ARHGEF6: variants seen among roughly 807,000 people sequenced by gnomAD.
ARHGEF6 encodes the protein rho guanine nucleotide exchange factor 6.
In ARHGEF6, 9 loss-of-function variants were observed where a neutral mutation model predicts 70.3. That is an observed-to-expected ratio of 0.13 (90% CI 0.08 to 0.22). The LOEUF is 0.22. Ranked by LOEUF, ARHGEF6 falls within the 10% of genes least tolerant of loss-of-function variation. ARHGEF6 has a pLI of 1.00. For synonymous variants in ARHGEF6, 201 were observed against 207.8 expected (o/e 0.97, Z 0.28); for missense variants, 470 against 563.0 (o/e 0.83, Z 1.67).
intron 13 of ARHGEF6, among the ~76,000 whole-genome samples, chrX:136,682,435 G>A (rs1347402669): frequency 8.9e-6 from 1 of 112,021 alleles, no homozygotes; most frequent in Non-Finnish European, 1.9e-5. Flanking sequence ...CATAGGAGCA[G>A]GTCCCAGCTT....
intron 19 of ARHGEF6, among the ~76,000 whole-genome samples, chrX:136,672,454 G>A (rs1342251277): frequency 4.5e-5 from 5 of 111,634 alleles, no homozygotes; most frequent in African/African-American, 6.5e-5. Flanking sequence ...GAGCTGACCA[G>A]TGATCACTCT....
In ARHGEF6 at chrX:136,747,617, G is replaced by A. The variant is rs5975789; in HGVS notation, c.250-25C>T. 1,753 of 971,691 alleles carry A rather than the reference G, an allele frequency of 1.8e-3. 18 individuals carry two copies. The African/African-American group carries it at 0.032, about 18-fold the overall frequency. The allele number at this position is 971,691 out of a possible 1,213,427, so 80.1% of individuals were successfully genotyped here. A position where few individuals can be genotyped will look rare whatever the true frequency, so the allele number is the denominator to read the frequency against. Reference sequence around the variant, plus strand: ...TCTATGAGAAAGGAAAATTGAAACCGTAAGACACTACAAGTATTCAACTCA... The same window carrying A: ...TCTATGAGAAAGGAAAATTGAAACCATAAGACACTACAAGTATTCAACTCA... On this transcript the variant is annotated intron_variant, in intron 2 of 21. Coordinates refer to ENST00000250617, the MANE Select transcript of ARHGEF6 (RefSeq NM_004840.3).
At chrX:136,722,045 C>G (rs1482189255) in intron 6 of ARHGEF6, among the ~76,000 whole-genome samples, 2 of 110,259 alleles carry the variant, frequency 1.8e-5, no homozygotes, top group Non-Finnish European at 3.8e-5. Context: ...ACAATTAATA[C>G]ATATAATTTT....
rs750225555 is a variant in ARHGEF6, at chrX:136,769,081, C to T, written c.249+10333G>A. On this transcript the variant is annotated intron_variant, in intron 2 of 21. Coordinates refer to ENST00000250617, the MANE Select transcript of ARHGEF6 (RefSeq NM_004840.3). ...GTACTAATTGAATCTCATATACATT[C>T]AGTGAAATCCTTCCAGAATAAAATA... 4.5e-5 allele frequency among the ~76,000 whole-genome samples: 5 copies of T among 111,234 alleles called. No individual in the cohort carries two copies. The South Asian group carries it at 1.9e-3, about 42-fold the overall frequency.
At chrX:136,675,202 G>T in intron 18 of ARHGEF6, 106 bp from the exon 19 acceptor site, 1 of 671,231 alleles carries the variant, frequency 1.5e-6, no homozygotes, top group Non-Finnish European at 2.4e-6. Flanking sequence ...GACCAGTAGA[G>T]TTTGTGAAAG....
intron 9 of ARHGEF6, among the ~76,000 whole-genome samples, chrX:136,697,397 A>G (rs2076524779): frequency 1.8e-5 from 2 of 112,165 alleles, no homozygotes; most frequent in Non-Finnish European, 3.8e-5. Flanking sequence ...AAGAAGGATC[A>G]GAAGAAACCT....
At chrX:136,774,036 G>A (rs967170207) in intron 2 of ARHGEF6, 20 of 111,714 alleles carry the variant, frequency 1.8e-4, no homozygotes, top group African/African-American at 6.2e-4. Context: ...AAATTGGAAC[G>A]ATACAGAGAA....
chrX:136,685,953 G>T, intron 11 of ARHGEF6, 130 bp from the exon 12 acceptor site: 1 of 690,705 alleles, frequency 1.4e-6, no homozygotes, highest in Non-Finnish European at 2.2e-6. Flanking sequence ...TGAATCCCAT[G>T]ACCCAGGCCT....
intron 14 of ARHGEF6, 134 bp from the exon 15 acceptor site, chrX:136,681,010 C>A: frequency 1.5e-6 from 1 of 665,914 alleles, no homozygotes; most frequent in Non-Finnish European, 2.4e-6. Flanking sequence ...TATGGGATAA[C>A]CCTGCTGAAA....
chrX:136,770,193 T>C (rs182644018), intron 2 of ARHGEF6, among the ~76,000 whole-genome samples: 1 of 112,514 alleles, frequency 8.9e-6, no homozygotes, highest in East Asian at 2.8e-4. Context: ...CACAAATTTC[T>C]ATGTGCATAT....
At position 136,665,702 on chromosome X, in the gene ARHGEF6, G is replaced by A. The variant is rs938402466; in HGVS notation, c.*2327C>T. The A allele has an allele frequency of 8.9e-6, 1 of 112,274 alleles. No individual in the cohort carries two copies. Among genetic ancestry groups the A allele is most frequent in the Non-Finnish European group, 1.9e-5 (1 of 53,199 alleles). 9.3% of individuals were successfully genotyped at this position (112,274 alleles called of 1,213,427 possible). ...CTCTACGGGCAGCAGTTTAATTACA[G>A]GGCAACAGGAACCCATTTATAGAGT... is the stretch of plus-strand genomic sequence containing the variant. On this transcript the variant is annotated 3_prime_UTR_variant, in exon 22 of 22. Transcript: ENST00000250617.
chrX:136,725,058 C>T, intron 6 of ARHGEF6, among the ~76,000 whole-genome samples: 1 of 111,467 alleles, frequency 9.0e-6, no homozygotes, highest in African/African-American at 3.3e-5. Flanking sequence ...ATCTGGGGCT[C>T]TTGTACCTGA....
At chrX:136,705,007 TTTG>T (rs1037745273) in intron 9 of ARHGEF6, among the ~76,000 whole-genome samples, 21 of 111,418 alleles carry the variant, frequency 1.9e-4, no homozygotes, top group African/African-American at 5.6e-4. Context: ...GTGACTTTGT[TTTG>T]TTGTTGTTGC....
At chrX:136,669,423 T>G in intron 21 of ARHGEF6, 59 bp downstream of exon 21, 3 of 1,080,699 alleles carry the variant, frequency 2.8e-6, no homozygotes, top group South Asian at 1.9e-5. Flanking sequence ...ATGAGCAGCG[T>G]GAGGCAAGAA....
chrX:136,771,444 C>T (rs926461307), intron 2 of ARHGEF6, among the ~76,000 whole-genome samples: 3 of 112,041 alleles, frequency 2.7e-5, no homozygotes, highest in Non-Finnish European at 5.6e-5. Flanking sequence ...AAACTTACTA[C>T]GTAGCTACAT....
intron 9 of ARHGEF6, among the ~76,000 whole-genome samples, chrX:136,701,986 C>T (rs1016394935): frequency 1.8e-5 from 2 of 111,238 alleles, no homozygotes; most frequent in South Asian, 3.7e-4. Flanking sequence ...GGATTACAGG[C>T]GCGAGCCACC....
chrX:136,716,618 C>A (rs1171782744), intron 6 of ARHGEF6, among the ~76,000 whole-genome samples: 1 of 112,061 alleles, frequency 8.9e-6, no homozygotes, highest in African/African-American at 3.2e-5. Flanking sequence ...ACAAAGCAAG[C>A]ATCAGAACTT....
chrX:136,665,705 C>T lies in ARHGEF6; in HGVS notation c.*2324G>A, dbSNP rs2076155484. 1 of 112,048 alleles carries T rather than the reference C, an allele frequency of 8.9e-6. No homozygotes were observed. The highest frequency in any genetic ancestry group is 1.9e-5 in the Non-Finnish European group (1 of 53,146). The allele number at this position is 112,048 out of a possible 1,213,427, so 9.2% of individuals were successfully genotyped here. On this transcript the variant is annotated 3_prime_UTR_variant, in exon 22 of 22. Coordinates refer to ENST00000250617, the MANE Select transcript of ARHGEF6 (RefSeq NM_004840.3). ...TACGGGCAGCAGTTTAATTACAGGG[C>T]AACAGGAACCCATTTATAGAGTATT...
rs184386785 is a variant in ARHGEF6 at position 136,723,262 on chromosome X, T to A, written c.732+8840A>T. Among the ~76,000 whole-genome samples, 41 of 112,545 alleles carry A rather than the reference T, an allele frequency of 3.6e-4. No individual in the cohort carries two copies. The East Asian group carries it at 0.011, about 31-fold the overall frequency. On this transcript the variant is annotated intron_variant, in intron 6 of 21. Coordinates refer to ENST00000250617, the MANE Select transcript of ARHGEF6 (RefSeq NM_004840.3). ...TTGTGCAACTCTGTGAATACACTAA[T>A]AACAGTGAATTGCACACTTTAAAAT...
Sources: gnomAD v4.1 joint callset for allele counts (sites outside exome capture counted in the v4.1 genomes callset) on GRCh38, gnomAD v4.1.1 for gene constraint, MANE v1.5 for transcripts, NCBI Gene and HGNC (gene_info 2026-07-23, HGNC 2026-07-21) for gene names.